The following ENTREP2 variants were observed in gnomAD, a reference collection of about 807,000 sequenced individuals.
The protein encoded by ENTREP2 is protein ENTREP2.
chr15:29,645,870 A>G, the ENTREP2 span, among the ~76,000 whole-genome samples: 2 of 151,982 alleles, frequency 1.3e-5, no homozygotes, highest in African/African-American at 4.8e-5. Context: ...TGATTACCAT[A>G]TTTCTGAAAG....
chr15:29,128,722 G>T, the ENTREP2 span: 1 of 1,156,316 alleles, frequency 8.6e-7, no homozygotes, highest in Non-Finnish European at 1.3e-6. Flanking sequence ...AATAGGACGA[G>T]GACGAAAAAG....
chr15:29,168,340 A>G, the ENTREP2 span, among the ~76,000 whole-genome samples: 1 of 152,212 alleles, frequency 6.6e-6, no homozygotes, highest in East Asian at 1.9e-4. Flanking sequence ...AAGAATTTAA[A>G]AAAACCTACT....
the ENTREP2 span, among the ~76,000 whole-genome samples, chr15:29,583,600 T>A: frequency 6.6e-6 from 1 of 152,182 alleles, no homozygotes; most frequent in East Asian, 1.9e-4. Flanking sequence ...CATTTACCTA[T>A]GTAACAAACC....
the ENTREP2 span, among the ~76,000 whole-genome samples, chr15:29,597,587 C>A: frequency 6.7e-6 from 1 of 148,772 alleles, no homozygotes; most frequent in African/African-American, 2.5e-5. Context: ...AAAAAAGATT[C>A]ATCCATAACT....
chr15:29,208,610 C>A, the ENTREP2 span, among the ~76,000 whole-genome samples: 1 of 152,166 alleles, frequency 6.6e-6, no homozygotes, highest in Non-Finnish European at 1.5e-5. Flanking sequence ...AAAATTAATA[C>A]GAACAACTTC....
At chr15:29,167,439 C>A in the ENTREP2 span, among the ~76,000 whole-genome samples, 2 of 152,098 alleles carry the variant, frequency 1.3e-5, no homozygotes, top group African/African-American at 4.8e-5. Flanking sequence ...GGACTAATAT[C>A]CAGAATCTAC....
the ENTREP2 span, among the ~76,000 whole-genome samples, chr15:29,492,528 G>GAT: frequency 1.3e-3 from 199 of 152,234 alleles, 1 homozygote; most frequent in South Asian, 0.011. Context: ...AAGCCAGGCA[G>GAT]ATACCTCAAG....
the ENTREP2 span, chr15:29,123,365 C>T: frequency 8.4e-6 from 13 of 1,542,394 alleles, no homozygotes; most frequent in Non-Finnish European, 1.1e-5. Flanking sequence ...ACGTCAGCGC[C>T]GAAGACGGCC....
chr15:29,415,969 A>C, the ENTREP2 span, among the ~76,000 whole-genome samples: 2 of 152,226 alleles, frequency 1.3e-5, no homozygotes, highest in Non-Finnish European at 2.9e-5. Flanking sequence ...AAGGACAACT[A>C]CAAGCCACTG....
chr15:29,192,187 G>A, the ENTREP2 span, among the ~76,000 whole-genome samples: 1 of 152,214 alleles, frequency 6.6e-6, no homozygotes, highest in Non-Finnish European at 1.5e-5. Flanking sequence ...TGGAGAGCTA[G>A]ACATGTTTTA....
the ENTREP2 span, among the ~76,000 whole-genome samples, chr15:29,370,227 TAC>T: frequency 6.6e-6 from 1 of 152,126 alleles, no homozygotes. Context: ...ATGATCCAAT[TAC>T]ACACTGTCTA....
the ENTREP2 span, among the ~76,000 whole-genome samples, chr15:29,394,884 T>A: frequency 0.021 from 1,299 of 60,526 alleles, 19 homozygotes; most frequent in African/African-American, 0.076. Context: ...CAGAATCTCT[T>A]TTTTTTTTTT....
chr15:29,476,212 C>G, the ENTREP2 span, among the ~76,000 whole-genome samples: 5 of 152,174 alleles, frequency 3.3e-5, no homozygotes, highest in South Asian at 6.2e-4. Context: ...AGGAAACTGG[C>G]TATTTACATA....
At chr15:29,592,604 A>T in the ENTREP2 span, among the ~76,000 whole-genome samples, 71 of 152,252 alleles carry the variant, frequency 4.7e-4, no homozygotes, top group African/African-American at 1.7e-3. Context: ...TGCACTGGGG[A>T]TTCTGTTTAC....
the ENTREP2 span, among the ~76,000 whole-genome samples, chr15:29,462,958 G>A: frequency 0.018 from 2,760 of 152,240 alleles, 76 homozygotes; most frequent in African/African-American, 0.062. Flanking sequence ...GTGATAACTC[G>A]ATCTTGTGCA....
At chr15:29,319,549 A>C in the ENTREP2 span, among the ~76,000 whole-genome samples, 1 of 152,224 alleles carries the variant, frequency 6.6e-6, no homozygotes, top group Admixed American at 6.5e-5. Context: ...GGAATAACAA[A>C]TTTATCTTTA....
At chr15:29,449,915 G>T in the ENTREP2 span, among the ~76,000 whole-genome samples, 2 of 152,200 alleles carry the variant, frequency 1.3e-5, no homozygotes, top group East Asian at 3.9e-4. Context: ...GGTACCTGTT[G>T]TTTTTTGACT....
the ENTREP2 span, among the ~76,000 whole-genome samples, chr15:29,216,550 C>T: frequency 0.066 from 10,089 of 152,100 alleles, 1,149 homozygotes; most frequent in African/African-American, 0.23. Flanking sequence ...TATTACTCCC[C>T]CAAATATGTT....
chr15:29,526,545 C>T, the ENTREP2 span, among the ~76,000 whole-genome samples: 1 of 152,070 alleles, frequency 6.6e-6, no homozygotes, highest in Non-Finnish European at 1.5e-5. Flanking sequence ...CTCACTGCAG[C>T]CTCAAACTCC....
Sources: gnomAD v4.1 joint callset for allele counts (sites outside exome capture counted in the v4.1 genomes callset) on GRCh38, gnomAD v4.1.1 for gene constraint, MANE v1.5 for transcripts, NCBI Gene and HGNC (gene_info 2026-07-23, HGNC 2026-07-21) for gene names.